SCD5: variants seen among roughly 807,000 people sequenced by gnomAD.
SCD5 encodes the protein acyl-CoA-desaturase 4.
In SCD5, 20 loss-of-function variants were observed where a neutral mutation model predicts 30.4. That is an observed-to-expected ratio of 0.66 (90% CI 0.46 to 0.96). The LOEUF (loss-of-function observed/expected upper bound fraction) is 0.96. Among genes scored for constraint, SCD5 ranks in the 40% least tolerant of loss-of-function variants. The pLI is 0.00. For missense variants in SCD5, 381 were observed against 443.3 expected (o/e 0.86, Z 1.26); for synonymous variants, 173 against 176.4 (o/e 0.98, Z 0.16).
chr4:82,757,472 G>A (rs111834535), intron 1 of SCD5, among the ~76,000 whole-genome samples: 65 of 152,260 alleles, frequency 4.3e-4, no homozygotes, highest in East Asian at 1.7e-3. Context: ...AATTGCCCCC[G>A]TGAGGGAGGT....
At chr4:82,730,036 C>A (rs893065326) in intron 1 of SCD5, among the ~76,000 whole-genome samples, 4 of 151,988 alleles carry the variant, frequency 2.6e-5, no homozygotes, top group Non-Finnish European at 4.4e-5. Context: ...GTGTAACCAT[C>A]CCTTTGAGTT....
chr4:82,742,742 G>C (rs1211576969), intron 1 of SCD5, among the ~76,000 whole-genome samples: 4 of 152,188 alleles, frequency 2.6e-5, no homozygotes, highest in Non-Finnish European at 5.9e-5. Flanking sequence ...AGCTGAGATT[G>C]TGCCACTGCA....
At chr4:82,750,893 TCCC>T (rs1285101627) in intron 1 of SCD5, among the ~76,000 whole-genome samples, 1 of 152,148 alleles carries the variant, frequency 6.6e-6, no homozygotes, top group Non-Finnish European at 1.5e-5. Flanking sequence ...TTCCCAGAGT[TCCC>T]CAACTAGTGA....
intron 1 of SCD5, among the ~76,000 whole-genome samples, chr4:82,755,985 C>T (rs1721226433): frequency 1.3e-5 from 2 of 152,196 alleles, no homozygotes; most frequent in African/African-American, 4.8e-5. Context: ...TTGTTTAAAT[C>T]AAATTGTCAT....
rs201488721 is a variant in SCD5, at chr4:82,631,218, CT to C, written c.*108del. 4.1e-4 allele frequency: 337 copies of C among 826,834 alleles called. 3 individuals are homozygous for C. The East Asian group carries it at 8.1e-3, about 20-fold the overall frequency. The allele number at this position is 826,834 out of a possible 1,614,324, so 51.2% of individuals were successfully genotyped here. On this transcript the variant is annotated 3_prime_UTR_variant, in exon 5 of 5. Coordinates refer to ENST00000319540, the MANE Select transcript of SCD5 (RefSeq NM_001037582.3). ...ATTCCCAAACCACATTGACTCGTTC[CT>C]TCCCCACCCTCTGCCCCCTCCCACG...
At position 82,636,732 on chromosome 4, in the gene SCD5, A is replaced by G. The variant is rs922551115; in HGVS notation, c.661T>C (p.Phe221Leu). The change falls in exon 4 of 5, where the codon TTC becomes CTC. Residue 221 changes from phenylalanine to leucine, a missense_variant. Coordinates refer to ENST00000319540, the MANE Select transcript of SCD5 (RefSeq NM_001037582.3). ...GTATAGCGGAGAATAGAGGCCAAGAAGTAGGAATTCCACAGACTCTCTCCC... is the reference window on the plus strand; with the variant it reads ...GTATAGCGGAGAATAGAGGCCAAGAGGTAGGAATTCCACAGACTCTCTCCC... The part of the protein sequence containing the change: ...IWGESLWNSY[F>L]LASILRYTIS... 2.5e-6 allele frequency: 4 copies of G among 1,614,242 alleles called. No individual in the cohort carries two copies. The highest frequency in any genetic ancestry group is 1.7e-5 in the Admixed American group (1 of 60,030).
chr4:82,790,672 G>A (rs1722081506), intron 1 of SCD5, among the ~76,000 whole-genome samples: 1 of 152,208 alleles, frequency 6.6e-6, no homozygotes, highest in African/African-American at 2.4e-5. Flanking sequence ...TGGCCTGTAA[G>A]TGCAATGAAG....
intron 2 of SCD5, among the ~76,000 whole-genome samples, chr4:82,699,113 T>C (rs933347188): frequency 1.3e-5 from 2 of 152,160 alleles, no homozygotes; most frequent in East Asian, 1.9e-4. Flanking sequence ...ATGAATGTTA[T>C]GTATTTGAAT....
chr4:82,656,793 G>A (rs182119286), intron 3 of SCD5, among the ~76,000 whole-genome samples: 3 of 152,252 alleles, frequency 2.0e-5, no homozygotes, highest in Admixed American at 2.0e-4. Context: ...GATCGCCATT[G>A]TAACTGGTAT....
At chr4:82,713,853 C>T (rs1720163223) in intron 1 of SCD5, among the ~76,000 whole-genome samples, 1 of 152,228 alleles carries the variant, frequency 6.6e-6, no homozygotes, top group South Asian at 2.1e-4. Flanking sequence ...TCACCTCACC[C>T]CTGACACCTC....
intron 1 of SCD5, among the ~76,000 whole-genome samples, chr4:82,796,365 G>C (rs1308556375): frequency 6.6e-6 from 1 of 152,144 alleles, no homozygotes; most frequent in Non-Finnish European, 1.5e-5. Flanking sequence ...AGTCACAAAG[G>C]GGAAACCAGA....
At chr4:82,648,192 T>A (rs997253476) in intron 3 of SCD5, among the ~76,000 whole-genome samples, 10 of 152,294 alleles carry the variant, frequency 6.6e-5, no homozygotes, top group Admixed American at 6.5e-4. Context: ...CTCAGGACAT[T>A]CCCTCTGGGA....
rs540214153 is a variant in SCD5, at chr4:82,748,869, C to T, written c.233-43456G>A. On this transcript the variant is annotated intron_variant, in intron 1 of 4. Coordinates refer to ENST00000319540, the MANE Select transcript of SCD5 (RefSeq NM_001037582.3). ...AAAGAGACAGCAGTGGCTCTATCTT[C>T]GTCACCACCATCACCAATAAGTATT... Among the ~76,000 whole-genome samples the T allele has an allele frequency of 3.9e-5, 6 of 152,282 alleles. No individual in the cohort carries two copies. The South Asian group carries it at 1.0e-3, about 26-fold the overall frequency.
intron 1 of SCD5, among the ~76,000 whole-genome samples, chr4:82,749,422 C>A (rs1178361634): frequency 1.3e-5 from 2 of 152,190 alleles, no homozygotes; most frequent in Admixed American, 6.5e-5. Flanking sequence ...AGCTAGGCTT[C>A]TCTTAAAACT....
chr4:82,783,826 T>C (rs75729111), intron 1 of SCD5, among the ~76,000 whole-genome samples: 4,043 of 147,574 alleles, frequency 0.027, 79 homozygotes, highest in Admixed American at 0.039. Flanking sequence ...AGGAAAAAAA[T>C]TAAAATTAAA....
intron 4 of SCD5, among the ~76,000 whole-genome samples, chr4:82,633,046 T>C (rs572217216): frequency 1.3e-5 from 2 of 152,318 alleles, no homozygotes; most frequent in African/African-American, 2.4e-5. Flanking sequence ...TACATTGTTA[T>C]TGACTGTAGT....
At chr4:82,789,468 C>A (rs528268713) in intron 1 of SCD5, among the ~76,000 whole-genome samples, 1 of 152,106 alleles carries the variant, frequency 6.6e-6, no homozygotes, top group Non-Finnish European at 1.5e-5. Context: ...ATAGTGATTC[C>A]GTGGGGTCGG....
intron 1 of SCD5, chr4:82,753,397 A>T (rs1245594206): frequency 1.9e-6 from 1 of 533,038 alleles, no homozygotes; most frequent in Admixed American, 1.9e-5. Flanking sequence ...GAGTAGCCCA[A>T]GGTCATGACA....
intron 2 of SCD5, among the ~76,000 whole-genome samples, chr4:82,701,729 T>A (rs2148826620): frequency 6.6e-6 from 1 of 152,234 alleles, no homozygotes; most frequent in East Asian, 1.9e-4. Flanking sequence ...CAGCTCTCAA[T>A]CCAATGCCTC....
Sources: gnomAD v4.1 joint callset for allele counts (sites outside exome capture counted in the v4.1 genomes callset) on GRCh38, gnomAD v4.1.1 for gene constraint, MANE v1.5 for transcripts, NCBI Gene and HGNC (gene_info 2026-07-23, HGNC 2026-07-21) for gene names.